NOBOX: variants seen among roughly 807,000 people sequenced by gnomAD.
NOBOX encodes the protein homeobox protein NOBOX.
Under a neutral mutation model 60.2 loss-of-function variants are expected in NOBOX, and 46 were observed. The ratio of observed to expected loss-of-function variants is 0.76; its 90% CI spans 0.60 to 0.98. NOBOX has a LOEUF of 0.98. Among genes scored for constraint, NOBOX ranks in the 50% least tolerant of loss-of-function variants. The probability of loss-of-function intolerance (pLI) is 0.00; values close to 1 mark genes in which losing one functional copy is unlikely to be tolerated. For synonymous variants in NOBOX, 360 were observed against 346.3 expected, an observed-to-expected ratio of 1.04 and a Z score of -0.44; for missense variants, 880 against 865.5, an observed-to-expected ratio of 1.02 and a Z score of -0.21.
rs539976855 is a variant in NOBOX, at chr7:144,404,940, C to T, written c.86-260G>A. Among the ~76,000 whole-genome samples the T allele has an allele frequency of 1.9e-3, 293 of 152,184 alleles. 2 individuals are homozygous for T. The highest frequency in any genetic ancestry group is 6.9e-3 in the African/African-American group (286 of 41,528). On this transcript the variant is annotated intron_variant, in intron 1 of 9. Transcript: ENST00000467773. Reference sequence around the variant, plus strand: ...GCTTGGAGCTGGGTGGGGAGCGGGGCGGCCTGGAACAGAATCCAGGTGTTT... The same window carrying T: ...GCTTGGAGCTGGGTGGGGAGCGGGGTGGCCTGGAACAGAATCCAGGTGTTT...
intron 1 of NOBOX, chr7:144,404,751 G>A: frequency 6.3e-7 from 1 of 1,586,984 alleles, no homozygotes; most frequent in Non-Finnish European, 8.6e-7. Context: ...GAGAATGGAA[G>A]GGACTTTCTT....
chr7:144,398,618 C>A, intron 8 of NOBOX, 32 bp from the exon 7 acceptor site: 1 of 1,488,792 alleles, frequency 6.7e-7, no homozygotes. Context: ...TGGTGAGGTG[C>A]AGGGGTGGGG....
intron 2 of NOBOX, 24 bp downstream of exon 1, chr7:144,403,633 G>A (rs989795142): frequency 4.9e-5 from 27 of 552,278 alleles, no homozygotes; most frequent in African/African-American, 4.7e-4. Context: ...TGACCCCCTC[G>A]CACGACGGGG....
chr7:144,405,831 A>G (rs1207604933), intron 1 of NOBOX, among the ~76,000 whole-genome samples: 1 of 152,220 alleles, frequency 6.6e-6, no homozygotes, highest in Non-Finnish European at 1.5e-5. Context: ...GGAGGTACCC[A>G]GAAACATCCA....
chr7:144,404,155 A>G (rs565516448), intron 2 of NOBOX, among the ~76,000 whole-genome samples: 133 of 152,190 alleles, frequency 8.7e-4, no homozygotes, highest in African/African-American at 3.1e-3. Context: ...TTCTAGAGCC[A>G]CTCCTCAAAG....
At position 144,399,031 on chromosome 7, in the gene NOBOX, G is replaced by C; in HGVS notation, c.1388C>G (p.Pro463Arg). The stretch of plus-strand genomic sequence containing the variant: ...ATCCATCAGCAGTGGCATCAGTTGG[G>C]GGGTGTGGACAGGGCCAAGGGGGAA... The change falls in exon 8 of 10, where the codon CCC (proline) becomes CGC (arginine). Residue 463 changes from proline to arginine, a missense_variant. Transcript: ENST00000467773. The C allele has an allele frequency of 6.3e-6, 10 of 1,599,116 alleles. No individual in the cohort carries two copies. The highest frequency in any genetic ancestry group is 8.5e-6 in the Non-Finnish European group (10 of 1,172,992).
rs1563129221 is a variant in NOBOX at position 144,401,511 on chromosome 7, G to C, written c.379C>G (p.Gln127Glu). The C allele has an allele frequency of 6.5e-7, 1 of 1,528,788 alleles. No individual in the cohort carries two copies. Among genetic ancestry groups the C allele is most frequent in the Non-Finnish European group, 8.8e-7 (1 of 1,142,320 alleles). 94.7% of individuals were successfully genotyped at this position (1,528,788 alleles called of 1,614,324 possible). ...CAGGAGGGTGGCAGTTCCTCACTCTGAGTGTCCTGAGCATGAGGGGCTGAG... is the reference window on the plus strand; with the variant it reads ...CAGGAGGGTGGCAGTTCCTCACTCTCAGTGTCCTGAGCATGAGGGGCTGAG... Residue 127 changes from glutamine to glutamate, a missense_variant, in exon 4 of 10, where the codon CAG becomes GAG. Gln to Glu is a conservative substitution (Grantham distance 29). Transcript: ENST00000467773. The surrounding 1 kb of genome is among the most constrained non-coding windows in gnomAD (Gnocchi z 4.2).
rs2053937390 is a variant in NOBOX at position 144,401,345 on chromosome 7, C to T, written c.545G>A (p.Gly182Glu). The change falls in exon 4 of 10, where the codon GGG becomes GAG. Residue 182 changes from glycine (G) to glutamate (E), a missense_variant. Coordinates refer to ENST00000467773, the MANE Select transcript of NOBOX (RefSeq NM_001080413.3). The surrounding 1 kb of genome is among the most constrained non-coding windows in gnomAD (Gnocchi z 4.2). ...TCCCACTGGGAGGGAACAATCTTCCCCCTGAGTCTGGGGCCTGGAGCGGGC... is the reference window on the plus strand; with the variant it reads ...TCCCACTGGGAGGGAACAATCTTCCTCCTGAGTCTGGGGCCTGGAGCGGGC... 1 of 1,613,664 alleles carries T rather than the reference C, an allele frequency of 6.2e-7. No homozygotes were observed.
rs2128860703 is a variant in NOBOX at position 144,397,480 on chromosome 7, T to G, written c.1836A>C (p.Pro612=). The G allele has an allele frequency of 2.0e-6, 3 of 1,537,052 alleles. No individual in the cohort carries two copies. The Admixed American group carries it at 5.9e-5, about 30-fold the overall frequency. Residue 612 remains proline, a synonymous_variant, in exon 10 of 10, where the codon CCA becomes CCC. Transcript: ENST00000467773. The stretch of plus-strand genomic sequence containing the variant: ...CTCCTGGGGGATGCCCCAGAGCTTG[T>G]GGGCAGAACGGACCAGGGAAGGGCA...
rs1270914953 is a variant in NOBOX at position 144,400,145 on chromosome 7, G to A, written c.1012C>T (p.Leu338Phe). Residue 338 changes from leucine to phenylalanine, a missense_variant, in exon 5 of 10, where the codon CTC becomes TTC. Physicochemically the swap from Leu to Phe is conservative, Grantham distance 22 (BLOSUM62 0). Coordinates refer to ENST00000467773, the MANE Select transcript of NOBOX (RefSeq NM_001080413.3). The stretch of plus-strand genomic sequence containing the variant: ...GCTGAGCGCTCACTCTGCAATTCGA[G>A]TGTTTCAATGGTGGGCCCTCCGCCA... 1 of 1,613,818 alleles carries A rather than the reference G, an allele frequency of 6.2e-7. No individual in the cohort carries two copies.
chr7:144,404,586 G>T lies in NOBOX; in HGVS notation c.180C>A (p.Cys60Ter). ...TGAGGGTCTCCAGAGCACAAAGGCT[G>T]CACCGGATGATGAAGAAGGAGCTGA... is the stretch of plus-strand genomic sequence containing the variant. Residue 60 changes from cysteine (C) to a stop codon, truncating the protein, a stop_gained, in exon 2 of 10, where the codon TGC becomes TGA. Coordinates refer to ENST00000467773, the MANE Select transcript of NOBOX (RefSeq NM_001080413.3). LOFTEE classifies it high-confidence loss of function. The T allele has an allele frequency of 6.2e-7, 1 of 1,613,672 alleles. No homozygotes were observed. The highest frequency in any genetic ancestry group is 8.5e-7 in the Non-Finnish European group (1 of 1,179,842).
intron 8 of NOBOX, 126 bp downstream of exon 6, chr7:144,398,824 C>T (rs947304854): frequency 3.1e-6 from 2 of 653,706 alleles, no homozygotes; most frequent in Non-Finnish European, 5.5e-6. Context: ...CTTTCATCCC[C>T]ATCTCCTGTA....
At position 144,400,185 on chromosome 7, in the gene NOBOX, C is replaced by G; in HGVS notation, c.972G>C (p.Leu324=). 6.2e-7 allele frequency: 1 copy of G among 1,614,066 alleles called. No individual in the cohort carries two copies. Among genetic ancestry groups the G allele is most frequent in the South Asian group, 1.1e-5 (1 of 91,088 alleles). Residue 324 remains leucine, a synonymous_variant, in exon 5 of 10, where the codon CTG becomes CTC. Coordinates refer to ENST00000467773, the MANE Select transcript of NOBOX (RefSeq NM_001080413.3). ...GCCCTCCGCCACTCCACCCTGCCAC[C>G]AGTGAGCCGGCCCCCTTTACCATGA...
At position 144,401,281 on chromosome 7, in the gene NOBOX, G is replaced by A. The variant is rs554533019; in HGVS notation, c.609C>T (p.Pro203=). The change falls in exon 4 of 10, where the codon CCC becomes CCT. Residue 203 remains proline (P), a synonymous_variant. Transcript: ENST00000467773. This position sits in a 1 kb window ranked among gnomAD's most constrained non-coding sequence, Gnocchi z 4.2. ...TGGCATTAGGCTTTTTCTGCTTCCCGGGGGCTGGAGAATAGGACCTCTTTC... is the reference window on the plus strand; with the variant it reads ...TGGCATTAGGCTTTTTCTGCTTCCCAGGGGCTGGAGAATAGGACCTCTTTC... The A allele has an allele frequency of 4.1e-5, 66 of 1,613,216 alleles. No homozygotes were observed. The highest frequency in any genetic ancestry group is 3.3e-4 in the African/African-American group (25 of 75,036).
At chr7:144,403,049 G>T (rs557884970) in intron 2 of NOBOX, among the ~76,000 whole-genome samples, 2 of 152,248 alleles carry the variant, frequency 1.3e-5, no homozygotes, top group African/African-American at 4.8e-5. Context: ...GAGCCACTGC[G>T]CCTGACCCTA....
chr7:144,409,749 T>C (rs1170047813), intron 1 of NOBOX, among the ~76,000 whole-genome samples: 1 of 152,212 alleles, frequency 6.6e-6, no homozygotes, highest in Non-Finnish European at 1.5e-5. Flanking sequence ...CATCTCCCTC[T>C]AGATTTTTTT....
rs1335411505 is a variant in NOBOX, at chr7:144,399,434, G to A, written c.1203C>T (p.Asp401=). 2 of 1,588,780 alleles carry A rather than the reference G, an allele frequency of 1.3e-6. No homozygotes were observed. The highest frequency in any genetic ancestry group is 1.7e-6 in the Non-Finnish European group (2 of 1,167,476). The change falls in exon 7 of 10, where the codon GAC becomes GAT. Residue 401 remains aspartate, a synonymous_variant. Coordinates refer to ENST00000467773, the MANE Select transcript of NOBOX (RefSeq NM_001080413.3). Reference sequence around the variant, plus strand: ...CCAGAGGGGACTCCTGAGGGAAAGGGTCAGGCTTTGGCTCCATGGGCACAG... The same window carrying A: ...CCAGAGGGGACTCCTGAGGGAAAGGATCAGGCTTTGGCTCCATGGGCACAG...
intron 1 of NOBOX, among the ~76,000 whole-genome samples, chr7:144,409,275 T>C (rs946118820): frequency 1.3e-5 from 2 of 152,250 alleles, no homozygotes; most frequent in African/African-American, 4.8e-5. Flanking sequence ...GGAGAATTTA[T>C]ATCTAATTTG....
intron 2 of NOBOX, 92 bp from the exon 1 acceptor site, chr7:144,403,785 G>GCC (rs2053962155): frequency 1.5e-5 from 1 of 66,054 alleles, no homozygotes; most frequent in Admixed American, 3.5e-4. Flanking sequence ...GCCCGCACGG[G>GCC]CCGGGCCGGG....
Sources: gnomAD v4.1 joint callset for allele counts (sites outside exome capture counted in the v4.1 genomes callset) on GRCh38, gnomAD v4.1.1 for gene constraint, Gnocchi (gnomAD v3.1) non-coding constraint, MANE v1.5 for transcripts, NCBI Gene and HGNC (gene_info 2026-07-23, HGNC 2026-07-21) for gene names.